Variants in ATOX1 observed in about 807,000 individuals in gnomAD.
The protein encoded by ATOX1 is antioxidant 1 copper chaperone, also known as copper transport protein ATOX1.
In ATOX1, 4 loss-of-function variants were observed where a neutral mutation model predicts 7.3. The observed-to-expected ratio is 0.55, with a 90% CI of 0.27 to 1.25. The LOEUF (loss-of-function observed/expected upper bound fraction) is 1.25, where lower values mean the gene tolerates loss of function less well. Among genes scored for constraint, ATOX1 ranks in the 50% most tolerant of loss-of-function variants. ATOX1 has a pLI of 0.12. For missense variants in ATOX1, 68 were observed against 81.6 expected (o/e 0.83, Z 0.64); for synonymous variants, 25 against 28.7 (o/e 0.87, Z 0.41).
At chr5:151,754,632 C>T (rs565913078) in intron 1 of ATOX1, among the ~76,000 whole-genome samples, 3 of 151,902 alleles carry the variant, frequency 2.0e-5, no homozygotes, top group Non-Finnish European at 2.9e-5. Context: ...TGATGATGCT[C>T]TGGAACATGG....
intron 1 of ATOX1, 85 bp from the exon 2 acceptor site, chr5:151,751,864 A>G: frequency 7.5e-7 from 1 of 1,332,192 alleles, no homozygotes; most frequent in Non-Finnish European, 1.0e-6. Context: ...CTCAGGGTCA[A>G]GACAGAAGAC....
At chr5:151,753,070 G>A (rs2113184010) in intron 1 of ATOX1, among the ~76,000 whole-genome samples, 1 of 152,328 alleles carries the variant, frequency 6.6e-6, no homozygotes, top group Middle Eastern at 3.4e-3. Flanking sequence ...ACTAGAGGAA[G>A]TCAGCTACTA....
At position 151,746,379 on chromosome 5, in the gene ATOX1, CAG is replaced by C. The variant is rs1761879769; in HGVS notation, c.151_152del (p.Leu51AlafsTer17). ...TTCCTGTTTTCTTCAGGGTTGCAAG[CAG>C]AGTGTCCATGCTGTGCTCAGATTCA... is the stretch of plus-strand genomic sequence containing the variant. ...CIESEHSMDT[L>X]LATLKKTGKT... On this transcript the variant is annotated frameshift_variant, in exon 3 of 4. Coordinates refer to ENST00000313115, the MANE Select transcript of ATOX1 (RefSeq NM_004045.4). LOFTEE classifies it high-confidence loss of function. The C allele has an allele frequency of 1.2e-6, 2 of 1,613,986 alleles. No individual in the cohort carries two copies.
intron 2 of ATOX1, 42 bp downstream of exon 2, chr5:151,751,662 G>T: frequency 1.3e-6 from 2 of 1,567,820 alleles, no homozygotes; most frequent in Non-Finnish European, 1.7e-6. Flanking sequence ...GCATGCATCT[G>T]AACATGGCAT....
intron 1 of ATOX1, chr5:151,752,573 A>C (rs561664337): frequency 2.0e-6 from 1 of 510,706 alleles, no homozygotes; most frequent in South Asian, 3.1e-5. Flanking sequence ...GGTGCTTAAA[A>C]CTTATTTTTG....
At chr5:151,747,069 C>CT (rs202117404) in intron 2 of ATOX1, among the ~76,000 whole-genome samples, 309 of 136,620 alleles carry the variant, frequency 2.3e-3, no homozygotes, top group East Asian at 8.9e-3. Flanking sequence ...AATATAGACA[C>CT]TTTTTTTTTT....
chr5:151,754,596 G>GA (rs1761989108), intron 1 of ATOX1, among the ~76,000 whole-genome samples: 1 of 151,530 alleles, frequency 6.6e-6, no homozygotes, highest in Non-Finnish European at 1.5e-5. Context: ...TAATTTAAAA[G>GA]AAAAAAATTG....
At chr5:151,756,467 C>CTT (rs369903211) in intron 1 of ATOX1, among the ~76,000 whole-genome samples, 3 of 141,892 alleles carry the variant, frequency 2.1e-5, no homozygotes, top group Non-Finnish European at 1.5e-5. Flanking sequence ...TCCTTCCTTC[C>CTT]TTTTTTTTTT....
In ATOX1 at chr5:151,758,531, G is replaced by T; in HGVS notation, c.6+15C>A. Reference sequence around the variant, plus strand: ...GACTGCAAGTCTGCGTGGCGGGGACGGCGCAACCACTCACCGGCATGACTG... The same window carrying T: ...GACTGCAAGTCTGCGTGGCGGGGACTGCGCAACCACTCACCGGCATGACTG... On this transcript the variant is annotated intron_variant, in intron 1 of 3. Transcript: ENST00000313115. 4 of 1,470,368 alleles carry T rather than the reference G, an allele frequency of 2.7e-6. No homozygotes were observed. The highest frequency in any genetic ancestry group is 2.4e-5 in the Admixed American group (1 of 40,946). The allele number at this position is 1,470,368 out of a possible 1,614,324, so 91.1% of individuals were successfully genotyped here. A position where few individuals can be genotyped will look rare whatever the true frequency, so the allele number is the denominator to read the frequency against.
intron 2 of ATOX1, among the ~76,000 whole-genome samples, chr5:151,746,967 C>G (rs2113176773): frequency 6.6e-6 from 1 of 152,084 alleles, no homozygotes; most frequent in South Asian, 2.1e-4. Context: ...CTCCTAATCT[C>G]AAGTGATCTG....
At chr5:151,750,638 TTC>T (rs1390051386) in intron 2 of ATOX1, among the ~76,000 whole-genome samples, 6 of 141,820 alleles carry the variant, frequency 4.2e-5, no homozygotes, top group Non-Finnish European at 7.8e-5. Context: ...TTTCCTTTTT[TTC>T]TTTCTTTTTT....
At chr5:151,750,592 G>A (rs1430472665) in intron 2 of ATOX1, among the ~76,000 whole-genome samples, 1 of 129,834 alleles carries the variant, frequency 7.7e-6, no homozygotes, top group South Asian at 2.6e-4. Context: ...AACAGAAAAA[G>A]ACAAAATTTT....
intron 1 of ATOX1, 31 bp from the exon 2 acceptor site, chr5:151,751,810 A>G: frequency 1.9e-6 from 3 of 1,578,264 alleles, no homozygotes; most frequent in Non-Finnish European, 2.6e-6. Context: ...CCATGACCCG[A>G]GCCCTGTAGA....
At chr5:151,752,886 T>C (rs1162925758) in intron 1 of ATOX1, among the ~76,000 whole-genome samples, 1 of 152,118 alleles carries the variant, frequency 6.6e-6, no homozygotes, top group African/African-American at 2.4e-5. Context: ...ATGGCCTCAA[T>C]GATCTCTGCC....
In ATOX1 at chr5:151,746,288, T is replaced by G; in HGVS notation, c.*37A>C. On this transcript the variant is annotated 3_prime_UTR_variant, in exon 3 of 4. Transcript: ENST00000313115. ...CTGGGGCCTTACCCACCTGCCCCCTTTGGTCCATCCTGTGGGCTGTGGGGA... is the reference window on the plus strand; with the variant it reads ...CTGGGGCCTTACCCACCTGCCCCCTGTGGTCCATCCTGTGGGCTGTGGGGA... 1 of 1,610,288 alleles carries G rather than the reference T, an allele frequency of 6.2e-7. No individual in the cohort carries two copies. Among genetic ancestry groups the G allele is most frequent in the South Asian group, 1.1e-5 (1 of 90,846 alleles).
intron 3 of ATOX1, chr5:151,744,545 A>G (rs558756192): frequency 5.0e-4 from 76 of 152,324 alleles, no homozygotes; most frequent in African/African-American, 1.8e-3. Flanking sequence ...TTTAGTTAAA[A>G]AAGTTCGTAT....
chr5:151,752,321 G>A (rs1437192858), intron 1 of ATOX1: 7 of 702,448 alleles, frequency 1.0e-5, no homozygotes, highest in Admixed American at 2.0e-5. Flanking sequence ...TTTCATCCAA[G>A]GGCCGCATTC....
Position 151,746,453 on chromosome 5 carries a change from C to T in ATOX1, c.83-4G>A. 2 of 1,613,590 alleles carry T rather than the reference C, an allele frequency of 1.2e-6. No homozygotes were observed. The highest frequency in any genetic ancestry group is 1.7e-6 in the Non-Finnish European group (2 of 1,179,598). On this transcript the variant is annotated splice_region_variant and splice_polypyrimidine_tract_variant and intron_variant, in intron 2 of 3. Coordinates refer to ENST00000313115, the MANE Select transcript of ATOX1 (RefSeq NM_004045.4). ...AGGTCAATGTCATACTTAACTCCTG[C>T]AGGAAGAGGAAATGGGGTATGGGGA...
At chr5:151,751,473 G>A (rs952352066) in intron 2 of ATOX1, among the ~76,000 whole-genome samples, 1 of 151,900 alleles carries the variant, frequency 6.6e-6, no homozygotes, top group African/African-American at 2.4e-5. Context: ...GCTGTCTCCT[G>A]TTTAACATGG....
Sources: gnomAD v4.1 joint callset for allele counts (sites outside exome capture counted in the v4.1 genomes callset) on GRCh38, gnomAD v4.1.1 for gene constraint, MANE v1.5 for transcripts, NCBI Gene and HGNC (gene_info 2026-07-23, HGNC 2026-07-21) for gene names.